Variants in PLCB4 observed in about 807,000 individuals in gnomAD.
The protein encoded by PLCB4 is phospholipase C beta 4.
PLCB4 carries 77 observed loss-of-function variants against 178.8 expected under a neutral mutation model. That is an observed-to-expected ratio of 0.43 (90% CI 0.36 to 0.52). The LOEUF is 0.52. Ranked by LOEUF, PLCB4 falls within the 20% of genes least tolerant of loss-of-function variation. The pLI, the probability that PLCB4 is intolerant of heterozygous loss-of-function variation, is 0.00. For synonymous variants in PLCB4, 496 were observed against 490.8 expected (o/e 1.01, Z -0.14); for missense variants, 1,024 against 1,453.4 (o/e 0.70, Z 4.80).
At chr20:9,351,450 T>C (rs1026265533) in intron 7 of PLCB4, among the ~76,000 whole-genome samples, 7 of 152,210 alleles carry the variant, frequency 4.6e-5, no homozygotes, top group African/African-American at 1.4e-4. Context: ...GAGGCATTAT[T>C]CAGCTCAATA....
At chr20:9,085,267 G>A (rs1296307581) in intron 1 of PLCB4, among the ~76,000 whole-genome samples, 5 of 152,102 alleles carry the variant, frequency 3.3e-5, no homozygotes, top group South Asian at 4.1e-4. Flanking sequence ...ACATATGTGC[G>A]TGAACTTTCA....
chr20:9,177,840 G>A (rs529806656), intron 2 of PLCB4, among the ~76,000 whole-genome samples: 2 of 152,196 alleles, frequency 1.3e-5, no homozygotes, highest in South Asian at 2.1e-4. Context: ...AAACTGATCT[G>A]CCTAACACCT....
At chr20:9,180,455 A>T (rs1250347056) in intron 2 of PLCB4, among the ~76,000 whole-genome samples, 2 of 152,148 alleles carry the variant, frequency 1.3e-5, no homozygotes, top group African/African-American at 4.8e-5. Context: ...TTAGTTAGTG[A>T]TCATATGGGA....
At chr20:9,412,060 T>C (rs560995408) in intron 25 of PLCB4, among the ~76,000 whole-genome samples, 4 of 152,374 alleles carry the variant, frequency 2.6e-5, no homozygotes, top group African/African-American at 9.6e-5. Context: ...GATTATGCTA[T>C]TCCCCAAATC....
At chr20:9,251,393 G>C (rs543650204) in intron 3 of PLCB4, among the ~76,000 whole-genome samples, 1 of 152,262 alleles carries the variant, frequency 6.6e-6, no homozygotes, top group East Asian at 1.9e-4. Context: ...TTCATATGTA[G>C]TGTAACATTT....
chr20:9,461,904 G>C (rs1353399354), intron 35 of PLCB4, among the ~76,000 whole-genome samples: 3 of 152,190 alleles, frequency 2.0e-5, no homozygotes, highest in Non-Finnish European at 2.9e-5. Flanking sequence ...AGAGAGCAGT[G>C]GTTCTCCCAG....
intron 32 of PLCB4, among the ~76,000 whole-genome samples, chr20:9,448,457 T>G (rs948621615): frequency 3.3e-5 from 5 of 152,166 alleles, no homozygotes; most frequent in African/African-American, 1.2e-4. Context: ...TTATTTAGTC[T>G]ATATCCAGCA....
At chr20:9,109,474 T>C (rs1053355754) in intron 2 of PLCB4, among the ~76,000 whole-genome samples, 2 of 152,064 alleles carry the variant, frequency 1.3e-5, no homozygotes, top group African/African-American at 4.8e-5. Context: ...GATTGCTTTT[T>C]TTTTTTTCGT....
At chr20:9,275,317 C>G (rs567411257) in intron 3 of PLCB4, among the ~76,000 whole-genome samples, 2 of 152,042 alleles carry the variant, frequency 1.3e-5, no homozygotes, top group Non-Finnish European at 2.9e-5. Context: ...ATGGGAAAGA[C>G]TGACTCCCAT....
chr20:9,250,832 C>T (rs1476330544), intron 3 of PLCB4, among the ~76,000 whole-genome samples: 5 of 152,212 alleles, frequency 3.3e-5, no homozygotes, highest in African/African-American at 1.2e-4. Context: ...GTTCTGTTAA[C>T]TTATGAACTG....
At chr20:9,409,254 A>G in intron 24 of PLCB4, 73 bp downstream of exon 24, 1 of 1,300,638 alleles carries the variant, frequency 7.7e-7, no homozygotes, top group Non-Finnish European at 1.0e-6. Flanking sequence ...ACTTCCCATC[A>G]GTTGGCTGTG....
intron 2 of PLCB4, among the ~76,000 whole-genome samples, chr20:9,137,090 G>A (rs73609433): frequency 0.022 from 3,364 of 152,050 alleles, 109 homozygotes; most frequent in African/African-American, 0.075. Flanking sequence ...CTCTTCTGTC[G>A]TTCTAATACT....
chr20:9,372,359 A>G lies in PLCB4; in HGVS notation c.642A>G (p.Gln214=). Residue 214 remains glutamine (Q), a synonymous_variant, in exon 11 of 40, where the codon CAA becomes CAG. Transcript: ENST00000378473. The part of the protein sequence containing the change: ...FSYEKFYELT[Q]KICPRTDIED... ...ATGAAAAGTTCTATGAACTGACACA[A>G]AAGATTTGTCCTCGGACAGATATAG... is the stretch of plus-strand genomic sequence containing the variant. The G allele has an allele frequency of 6.2e-7, 1 of 1,604,218 alleles. No homozygotes were observed. The highest frequency in any genetic ancestry group is 2.2e-5 in the East Asian group (1 of 44,788).
chr20:9,248,209 G>A (rs1430082174), intron 3 of PLCB4, among the ~76,000 whole-genome samples: 1 of 151,776 alleles, frequency 6.6e-6, no homozygotes, highest in Non-Finnish European at 1.5e-5. Flanking sequence ...ACATAACATC[G>A]AAAGTATGTG....
intron 38 of PLCB4, among the ~76,000 whole-genome samples, chr20:9,474,694 A>ATAAAATAAAG (rs71331376): frequency 6.6e-6 from 1 of 152,100 alleles, no homozygotes; most frequent in African/African-American, 2.4e-5. Context: ...ATAAAATAAA[A>ATAAAATAAAG]TAAAATAAAA....
intron 3 of PLCB4, among the ~76,000 whole-genome samples, chr20:9,271,549 A>G (rs1225091553): frequency 6.6e-6 from 1 of 152,154 alleles, no homozygotes; most frequent in African/African-American, 2.4e-5. Context: ...TGTCATTACT[A>G]TTTTTTATAC....
chr20:9,145,883 G>A (rs1031936686), intron 2 of PLCB4, among the ~76,000 whole-genome samples: 2 of 152,098 alleles, frequency 1.3e-5, no homozygotes, highest in Admixed American at 6.6e-5. Context: ...CCAGGAAGCA[G>A]TACTGTCTCA....
At position 9,097,758 on chromosome 20, in the gene PLCB4, C is replaced by T. The variant is rs577061992; in HGVS notation, c.-79+1416C>T. On this transcript the variant is annotated intron_variant, in intron 2 of 39. Transcript: ENST00000378473. ...GCTTGGTTCTCTCTGACAGAGCTCA[C>T]CAAGCAGTTGCTCACATGTTACTTA... is the stretch of plus-strand genomic sequence containing the variant. Among the ~76,000 whole-genome samples, 37 of 152,104 alleles carry T rather than the reference C, an allele frequency of 2.4e-4. 1 individual carries two copies. The highest frequency in any genetic ancestry group is 4.6e-4 in the Non-Finnish European group (31 of 68,022).
intron 2 of PLCB4, among the ~76,000 whole-genome samples, chr20:9,118,435 A>T (rs1203480942): frequency 6.6e-6 from 1 of 152,028 alleles, no homozygotes; most frequent in African/African-American, 2.4e-5. Flanking sequence ...AAAAAGAAAA[A>T]GGACAAATTA....
Sources: allele counts gnomAD v4.1 joint callset (sites outside exome capture counted in the v4.1 genomes callset), GRCh38; gene constraint gnomAD v4.1.1; transcripts MANE v1.5; gene names NCBI Gene and HGNC (gene_info 2026-07-23, HGNC 2026-07-21).